CTR9: variants seen among roughly 807,000 people sequenced by gnomAD.
CTR9 encodes the protein RNA polymerase-associated protein CTR9 homolog.
In CTR9, 41 loss-of-function variants were observed where a neutral mutation model predicts 152.1. The observed-to-expected ratio is 0.27, with a 90% CI of 0.21 to 0.35. CTR9 has a LOEUF of 0.35. Among genes scored for constraint, CTR9 ranks in the 10% least tolerant of loss-of-function variants. CTR9 has a pLI of 1.00. For missense variants in CTR9, 917 were observed against 1,424.4 expected (o/e 0.64, Z 5.73); for synonymous variants, 476 against 496.2 (o/e 0.96, Z 0.54).
chr11:10,768,217 G>A, intron 15 of CTR9, 56 bp downstream of exon 15: 2 of 1,577,004 alleles, frequency 1.3e-6, no homozygotes, highest in South Asian at 1.1e-5. Context: ...TACTTTCAGA[G>A]GAATGTTTGT....
At chr11:10,776,138 A>G (rs770600645) in intron 24 of CTR9, among the ~76,000 whole-genome samples, 1 of 151,992 alleles carries the variant, frequency 6.6e-6, no homozygotes, top group Non-Finnish European at 1.5e-5. Context: ...CCCAGGCTGG[A>G]GTGCAATGGC....
intron 2 of CTR9, among the ~76,000 whole-genome samples, chr11:10,753,328 C>T (rs1302123619): frequency 6.6e-6 from 1 of 152,186 alleles, no homozygotes; most frequent in Non-Finnish European, 1.5e-5. Context: ...ATATCCTCTA[C>T]TTGCCAGCAT....
At chr11:10,770,175 G>T (rs752418406) in intron 16 of CTR9, 35 bp from the exon 17 acceptor site, 2 of 1,412,346 alleles carry the variant, frequency 1.4e-6, no homozygotes, top group South Asian at 1.2e-5. Flanking sequence ...TTTATTCTTT[G>T]TTGTGTTTTA....
At chr11:10,757,133 A>G (rs561025870) in intron 5 of CTR9, among the ~76,000 whole-genome samples, 3 of 151,940 alleles carry the variant, frequency 2.0e-5, no homozygotes, top group East Asian at 3.9e-4. Flanking sequence ...AAAAATAAAA[A>G]AGTTACATGA....
Position 10,758,906 on chromosome 11 carries a change from C to T in CTR9, c.593-1267C>T, listed in dbSNP as rs2135361246. ...CTCTATTTCCCCCAAATAATTAAAACCTTAACTTTTTCACTTTGGAAAATG... is the reference window on the plus strand; with the variant it reads ...CTCTATTTCCCCCAAATAATTAAAATCTTAACTTTTTCACTTTGGAAAATG... On this transcript the variant is annotated intron_variant, in intron 5 of 24. Coordinates refer to ENST00000361367, the MANE Select transcript of CTR9 (RefSeq NM_014633.5). Among the ~76,000 whole-genome samples, 2 of 152,328 alleles carry T rather than the reference C, an allele frequency of 1.3e-5. 1 individual carries two copies.
chr11:10,768,025 T>C (rs775662518), intron 14 of CTR9, 34 bp downstream of exon 14: 5 of 1,613,410 alleles, frequency 3.1e-6, no homozygotes, highest in Non-Finnish European at 4.2e-6. Context: ...ACAAAACTGA[T>C]ACTCTACATT....
At chr11:10,772,371 G>GA (rs932218313) in intron 19 of CTR9, 149 bp from the exon 20 acceptor site, 57 of 660,376 alleles carry the variant, frequency 8.6e-5, no homozygotes, top group Non-Finnish European at 1.0e-4. Context: ...AAAAAAGGAA[G>GA]AAAAAAAACA....
chr11:10,771,678 A>T, intron 19 of CTR9, 62 bp downstream of exon 19: 1 of 1,196,146 alleles, frequency 8.4e-7, no homozygotes, highest in South Asian at 1.2e-5. Context: ...ATGGGCTGGG[A>T]AAGTGCCACA....
rs765448315 is a variant in CTR9 at position 10,763,007 on chromosome 11, C to CAA, written c.850-411_850-410dup. ...CATGCAACAGAGTGAGACCCTGTCT[C>CAA]AAAAAAAAAAAAAAGTGCGCTTTAT... On this transcript the variant is annotated intron_variant, in intron 7 of 24. Transcript: ENST00000361367. Among the ~76,000 whole-genome samples the CAA allele has an allele frequency of 8.9e-3, 1,020 of 114,204 alleles. 15 individuals are homozygous for CAA. Among genetic ancestry groups the CAA allele is most frequent in the African/African-American group, 0.031 (972 of 31,128 alleles). The allele number at this position is 114,204 out of a possible 152,430, so 74.9% of individuals were successfully genotyped here.
At chr11:10,768,051 T>C in intron 14 of CTR9, 23 bp from the exon 15 acceptor site, 1 of 1,613,976 alleles carries the variant, frequency 6.2e-7, no homozygotes, top group Non-Finnish European at 8.5e-7. Flanking sequence ...TTGAATCTTT[T>C]TTAAGAGCAC....
chr11:10,768,039 G>A (rs370645061), intron 14 of CTR9, 35 bp from the exon 15 acceptor site: 100 of 1,613,424 alleles, frequency 6.2e-5, no homozygotes, highest in Middle Eastern at 1.6e-4. Flanking sequence ...CTACATTCTC[G>A]TTTGAATCTT....
intron 24 of CTR9, among the ~76,000 whole-genome samples, chr11:10,775,840 A>C (rs1163770101): frequency 6.6e-6 from 1 of 152,194 alleles, no homozygotes; most frequent in Non-Finnish European, 1.5e-5. Context: ...AGCTTCTTAG[A>C]ATCTGAGAGC....
chr11:10,774,187 G>T lies in CTR9; in HGVS notation c.2885+18G>T. The T allele has an allele frequency of 6.3e-7, 1 of 1,592,428 alleles. No individual in the cohort carries two copies. Among genetic ancestry groups the T allele is most frequent in the Non-Finnish European group, 8.5e-7 (1 of 1,172,618 alleles). ...AGGAGAAGGTAATGTCATCATTAAT[G>T]TGCTTTAAGTAACCTCATAAAAGTG... is the stretch of plus-strand genomic sequence containing the variant. On this transcript the variant is annotated intron_variant, in intron 22 of 24. Transcript: ENST00000361367.
intron 22 of CTR9, among the ~76,000 whole-genome samples, chr11:10,774,621 T>C (rs1350539164): frequency 1.3e-5 from 2 of 151,654 alleles, no homozygotes; most frequent in East Asian, 3.8e-4. Context: ...CACCCAGTGT[T>C]CTCTGCTGTT....
chr11:10,774,246 G>C, intron 22 of CTR9, 77 bp downstream of exon 22: 1 of 1,501,990 alleles, frequency 6.7e-7, no homozygotes, highest in Non-Finnish European at 8.9e-7. Flanking sequence ...ATCTTTTGAT[G>C]TTTAGAATTG....
rs1361631367 is a variant in CTR9 at position 10,760,186 on chromosome 11, A to G, written c.606A>G (p.Leu202=). ...TNPGCPAEVR[L]GMGHCFVKLN... Reference sequence around the variant, plus strand: ...TTCATTTTATAGCGGAAGTTCGTTTAGGAATGGGTCATTGCTTTGTGAAAC... The same window carrying G: ...TTCATTTTATAGCGGAAGTTCGTTTGGGAATGGGTCATTGCTTTGTGAAAC... The change falls in exon 6 of 25, where the codon TTA becomes TTG. Residue 202 remains leucine (L), a synonymous_variant. Transcript: ENST00000361367. The G allele has an allele frequency of 6.2e-7, 1 of 1,613,710 alleles. No individual in the cohort carries two copies. Among genetic ancestry groups the G allele is most frequent in the African/African-American group, 1.3e-5 (1 of 74,934 alleles).
rs150276435 is a variant in CTR9 at position 10,769,432 on chromosome 11, A to C, written c.2110-778A>C. On this transcript the variant is annotated intron_variant, in intron 16 of 24. Transcript: ENST00000361367. ...AAAAAGTAGACAAAAAGAGCAGTCC[A>C]GGCTCCTGAGAAGTGGTTTACCTTT... Among the ~76,000 whole-genome samples the C allele has an allele frequency of 7.6e-3, 1,150 of 152,308 alleles. 17 individuals carry two copies. The highest frequency in any genetic ancestry group is 0.026 in the African/African-American group (1,098 of 41,570).
chr11:10,754,934 C>T (rs943136051), intron 2 of CTR9, 24 bp from the exon 3 acceptor site: 1 of 1,603,162 alleles, frequency 6.2e-7, no homozygotes, highest in African/African-American at 1.3e-5. Context: ...TTTAGTGATT[C>T]TAATTTGTTT....
chr11:10,756,698 G>A (rs778615040), intron 4 of CTR9, 51 bp from the exon 5 acceptor site: 6 of 1,293,704 alleles, frequency 4.6e-6, no homozygotes. Context: ...AAACATAATA[G>A]ACTTGTAGCC....
Sources: gnomAD v4.1 joint callset for allele counts (sites outside exome capture counted in the v4.1 genomes callset) on GRCh38, gnomAD v4.1.1 for gene constraint, MANE v1.5 for transcripts, NCBI Gene and HGNC (gene_info 2026-07-23, HGNC 2026-07-21) for gene names.